Variants in SLC6A11 observed in about 807,000 individuals in gnomAD.
SLC6A11 encodes solute carrier family 6 member 11, also known as sodium- and chloride-dependent GABA transporter 3.
In SLC6A11, 25 loss-of-function variants were observed where a neutral mutation model predicts 74.8. The observed-to-expected ratio is 0.33, with a 90% confidence interval of 0.24 to 0.47. SLC6A11 has a LOEUF of 0.47. Among genes scored for constraint, SLC6A11 ranks in the 20% least tolerant of loss-of-function variants. SLC6A11 has a pLI of 1.00. For missense variants in SLC6A11, 574 were observed against 837.0 expected (o/e 0.69, Z 3.88); for synonymous variants, 330 against 330.2 (o/e 1.00, Z 0.01).
chr3:10,934,924 C>G, intron 12 of SLC6A11, 105 bp from the exon 13 acceptor site: 3 of 999,046 alleles, frequency 3.0e-6, no homozygotes, highest in African/African-American at 3.2e-5. Context: ...GGCCAGCTTC[C>G]TCCCCTGCCA....
intron 5 of SLC6A11, among the ~76,000 whole-genome samples, chr3:10,863,031 A>G (rs1444526481): frequency 1.3e-5 from 2 of 152,236 alleles, no homozygotes; most frequent in Non-Finnish European, 1.5e-5. Context: ...ATATGGGGTT[A>G]TGTCCTGTTA....
intron 13 of SLC6A11, 138 bp downstream of exon 13, chr3:10,935,337 C>A: frequency 2.7e-6 from 2 of 733,486 alleles, no homozygotes; most frequent in Non-Finnish European, 4.6e-6. Context: ...CCTCTCTGGC[C>A]AATGTTCAGT....
chr3:10,821,587 T>C (rs1694138643), intron 3 of SLC6A11, among the ~76,000 whole-genome samples: 1 of 152,202 alleles, frequency 6.6e-6, no homozygotes, highest in Non-Finnish European at 1.5e-5. Flanking sequence ...GGGAAAGCAA[T>C]ATAATTTTAC....
At chr3:10,903,616 G>C (rs974741656) in intron 6 of SLC6A11, among the ~76,000 whole-genome samples, 5 of 152,304 alleles carry the variant, frequency 3.3e-5, no homozygotes, top group South Asian at 2.1e-4. Flanking sequence ...TGCTTATGGT[G>C]CGGGGAAGAG....
chr3:10,937,710 G>A (rs1695774734), intron 13 of SLC6A11, among the ~76,000 whole-genome samples: 1 of 152,226 alleles, frequency 6.6e-6, no homozygotes, highest in African/African-American at 2.4e-5. Context: ...GGCTGAGGCT[G>A]TGAGCCTTGG....
intron 6 of SLC6A11, 97 bp downstream of exon 6, chr3:10,875,192 T>A (rs936512408): frequency 8.1e-6 from 9 of 1,106,768 alleles, no homozygotes; most frequent in African/African-American, 1.6e-5. Flanking sequence ...AACAGCTGGT[T>A]GAACAGTGGA....
Position 10,882,632 on chromosome 3 carries a change from A to G in SLC6A11, c.891+7537A>G, listed in dbSNP as rs115928329. On this transcript the variant is annotated intron_variant, in intron 6 of 13. Coordinates refer to ENST00000254488, the MANE Select transcript of SLC6A11 (RefSeq NM_014229.3). The stretch of plus-strand genomic sequence containing the variant: ...GACCAAACAAGTGAACAAAGGAAGG[A>G]AGGAAAGACAGAAGGAAGAACAATT... Among the ~76,000 whole-genome samples, 780 of 152,324 alleles carry G rather than the reference A, an allele frequency of 5.1e-3. 7 individuals carry two copies. The highest frequency in any genetic ancestry group is 0.017 in the African/African-American group (716 of 41,572).
chr3:10,835,841 G>A (rs1359295095), intron 4 of SLC6A11, among the ~76,000 whole-genome samples: 1 of 152,232 alleles, frequency 6.6e-6, no homozygotes, highest in Non-Finnish European at 1.5e-5. Context: ...AACAGGGTTG[G>A]GAGGGGGGAG....
chr3:10,825,899 T>G (rs1022519273), intron 4 of SLC6A11, among the ~76,000 whole-genome samples: 2 of 152,256 alleles, frequency 1.3e-5, no homozygotes, highest in African/African-American at 4.8e-5. Flanking sequence ...TCTATCTCTG[T>G]GCCCATACCA....
intron 4 of SLC6A11, among the ~76,000 whole-genome samples, chr3:10,836,842 T>C (rs1694373648): frequency 6.6e-6 from 1 of 152,254 alleles, no homozygotes; most frequent in Admixed American, 6.5e-5. Context: ...AAATCCCAGC[T>C]GCTGCCTGTT....
intron 1 of SLC6A11, among the ~76,000 whole-genome samples, 195 bp from the exon 2 acceptor site, chr3:10,819,270 G>T (rs2254794): frequency 0.11 from 16,793 of 152,252 alleles, 1,128 homozygotes; most frequent in East Asian, 0.24. Context: ...AGATGGAGAA[G>T]TTGAGACTTG....
At chr3:10,931,087 C>T (rs1695679758) in intron 10 of SLC6A11, among the ~76,000 whole-genome samples, 1 of 152,218 alleles carries the variant, frequency 6.6e-6, no homozygotes, top group African/African-American at 2.4e-5. Flanking sequence ...TTCTTTTCTT[C>T]CACCAAGGCA....
intron 5 of SLC6A11, among the ~76,000 whole-genome samples, chr3:10,852,209 T>C (rs1474271945): frequency 6.6e-6 from 1 of 152,238 alleles, no homozygotes; most frequent in Non-Finnish European, 1.5e-5. Context: ...AGGGCCGATG[T>C]CTGCATTCAG....
chr3:10,897,116 G>A (rs1241317002), intron 6 of SLC6A11, among the ~76,000 whole-genome samples: 1 of 152,076 alleles, frequency 6.6e-6, no homozygotes, highest in Non-Finnish European at 1.5e-5. Context: ...AGAACAGTAT[G>A]GGGGAACTGC....
chr3:10,850,160 C>A (rs138636627), intron 5 of SLC6A11, among the ~76,000 whole-genome samples: 1 of 152,132 alleles, frequency 6.6e-6, no homozygotes, highest in Non-Finnish European at 1.5e-5. Context: ...TCTCACTTGA[C>A]AAGAAGCTAA....
In SLC6A11 at chr3:10,939,508, C is replaced by G. The variant is rs948664378; in HGVS notation, c.*1106C>G. ...TCCTCCGGCCTTCCATGAGAAGCAGCCACAGGGGGCCTGGTTTCCTCCTAA... is the reference window on the plus strand; with the variant it reads ...TCCTCCGGCCTTCCATGAGAAGCAGGCACAGGGGGCCTGGTTTCCTCCTAA... On this transcript the variant is annotated 3_prime_UTR_variant, in exon 14 of 14. Transcript: ENST00000254488. 1 of 152,358 alleles carries G rather than the reference C, an allele frequency of 6.6e-6. No individual in the cohort carries two copies. Among genetic ancestry groups the G allele is most frequent in the African/African-American group, 2.4e-5 (1 of 41,444 alleles). The allele number at this position is 152,358 out of a possible 1,614,324, so 9.4% of individuals were successfully genotyped here. A position where few individuals can be genotyped will look rare whatever the true frequency, so the allele number is the denominator to read the frequency against.
intron 7 of SLC6A11, among the ~76,000 whole-genome samples, chr3:10,917,383 C>T (rs541941848): frequency 5.3e-5 from 8 of 152,296 alleles, no homozygotes; most frequent in Non-Finnish European, 8.8e-5. Context: ...GCCGGCCACC[C>T]GCAGGGATGC....
At chr3:10,858,866 C>T (rs541437443) in intron 5 of SLC6A11, among the ~76,000 whole-genome samples, 104 of 152,242 alleles carry the variant, frequency 6.8e-4, no homozygotes, top group African/African-American at 2.5e-3. Flanking sequence ...AAGACTTGGT[C>T]CTGTGCAGCA....
At chr3:10,920,630 C>T (rs901033) in intron 8 of SLC6A11, among the ~76,000 whole-genome samples, 2,585 of 152,268 alleles carry the variant, frequency 0.017, 87 homozygotes, top group East Asian at 0.16. Flanking sequence ...TAGGTTTTAC[C>T]AGGGCCTCCA....
Sources: allele counts gnomAD v4.1 joint callset (sites outside exome capture counted in the v4.1 genomes callset), GRCh38; gene constraint gnomAD v4.1.1; transcripts MANE v1.5; gene names NCBI Gene and HGNC (gene_info 2026-07-23, HGNC 2026-07-21).